Variants in MCPH1 observed in about 807,000 individuals in gnomAD.
MCPH1 encodes microcephalin 1.
A neutral mutation model predicts 84.5 loss-of-function variants in MCPH1; 104 were observed. The observed-to-expected ratio is 1.23, with a 90% CI of 1.05 to 1.45. The LOEUF is 1.45. Ranked by LOEUF, MCPH1 falls within the 40% of genes most tolerant of loss-of-function variation. The pLI is 0.00. For missense variants in MCPH1, 1,498 were observed against 1,005.7 expected (o/e 1.49, Z -6.62); for synonymous variants, 514 against 366.8 (o/e 1.40, Z -4.58).
chr8:6,568,135 C>T lies in MCPH1; in HGVS notation c.2215-53319C>T, dbSNP rs2959772. Among the ~76,000 whole-genome samples, 1,310 of 152,224 alleles carry T rather than the reference C, an allele frequency of 8.6e-3. 25 individuals are homozygous for T. The highest frequency in any genetic ancestry group is 0.029 in the African/African-American group (1,215 of 41,522). ...AAGAGGCCAGTGTTACAAAGAATCT[C>T]GTGGCCAGCCCTTTTGGCTCAGTTT... On this transcript the variant is annotated intron_variant, in intron 12 of 13. Coordinates refer to ENST00000344683, the MANE Select transcript of MCPH1 (RefSeq NM_024596.5).
intron 12 of MCPH1, among the ~76,000 whole-genome samples, chr8:6,582,369 T>C (rs534567052): frequency 6.6e-6 from 1 of 152,324 alleles, no homozygotes; most frequent in South Asian, 2.1e-4. Context: ...TTGAGGAAAC[T>C]GGAGCTTAGC....
chr8:6,584,134 C>T (rs1827793968), intron 12 of MCPH1, among the ~76,000 whole-genome samples: 3 of 152,116 alleles, frequency 2.0e-5, no homozygotes, highest in African/African-American at 7.2e-5. Flanking sequence ...GTAATAGAAA[C>T]CCTCAGATTC....
Position 6,409,320 on chromosome 8 carries a change from G to T in MCPH1, c.64G>T (p.Glu22Ter). 6.2e-7 allele frequency: 1 copy of T among 1,614,128 alleles called. No individual in the cohort carries two copies. Among genetic ancestry groups the T allele is most frequent in the Admixed American group, 1.7e-5 (1 of 60,026 alleles). ...YVEVWSSNGTENYSKTFTTQL... is the reference protein window; with the variant it reads ...YVEVWSSNGT Reference sequence around the variant, plus strand: ...TGAAGTGTGGTCATCCAATGGAACAGAAAATTATTCAAAGACATTTACAAC... The same window carrying T: ...TGAAGTGTGGTCATCCAATGGAACATAAAATTATTCAAAGACATTTACAAC... The change falls in exon 2 of 14, where the codon GAA (glutamate) becomes TAA (stop). Residue 22 changes from glutamate (E) to a stop codon, truncating the protein, a stop_gained. Coordinates refer to ENST00000344683, the MANE Select transcript of MCPH1 (RefSeq NM_024596.5). LOFTEE classifies it high-confidence loss of function.
intron 12 of MCPH1, among the ~76,000 whole-genome samples, chr8:6,591,168 A>T (rs550401417): frequency 2.2e-4 from 34 of 152,370 alleles, no homozygotes; most frequent in African/African-American, 8.2e-4. Flanking sequence ...ACGTGCTGGG[A>T]TTACAGGCGT....
intron 12 of MCPH1, chr8:6,562,837 T>C (rs763494170): frequency 6.2e-7 from 1 of 1,613,468 alleles, no homozygotes; most frequent in Non-Finnish European, 8.5e-7. Flanking sequence ...GACCTGATAT[T>C]GCTTCTTTCC....
intron 12 of MCPH1, among the ~76,000 whole-genome samples, chr8:6,559,492 G>T (rs1825181016): frequency 6.6e-6 from 1 of 152,174 alleles, no homozygotes; most frequent in East Asian, 1.9e-4. Flanking sequence ...GCCTGTTCTT[G>T]TGTTGTTTAA....
chr8:6,421,777 T>C (rs756862132), intron 3 of MCPH1, among the ~76,000 whole-genome samples: 7 of 152,116 alleles, frequency 4.6e-5, no homozygotes, highest in Non-Finnish European at 8.8e-5. Flanking sequence ...CTGACCCAGG[T>C]CCAGTGTGCT....
chr8:6,495,452 T>C (rs1376250295), intron 11 of MCPH1, among the ~76,000 whole-genome samples: 2 of 152,218 alleles, frequency 1.3e-5, no homozygotes, highest in African/African-American at 4.8e-5. Context: ...TTCTTCTTTC[T>C]TTAGAAAAAT....
intron 12 of MCPH1, among the ~76,000 whole-genome samples, chr8:6,523,027 T>C (rs1487213894): frequency 6.6e-6 from 1 of 151,942 alleles, no homozygotes; most frequent in Non-Finnish European, 1.5e-5. Flanking sequence ...AGATGGAGTC[T>C]CGCTCTGTCA....
At chr8:6,605,206 G>C (rs1452831439) in intron 12 of MCPH1, among the ~76,000 whole-genome samples, 2 of 152,098 alleles carry the variant, frequency 1.3e-5, no homozygotes, top group Non-Finnish European at 2.9e-5. Flanking sequence ...CTCATGTTGG[G>C]GGAATTTTAT....
At chr8:6,602,935 ATG>A (rs1356535122) in intron 12 of MCPH1, among the ~76,000 whole-genome samples, 1 of 151,836 alleles carries the variant, frequency 6.6e-6, no homozygotes, top group African/African-American at 2.4e-5. Context: ...TTGTGTGTGC[ATG>A]TGTGTCTGTG....
rs1832065549 is a variant in MCPH1 at position 6,626,283 on chromosome 8, A to G, written c.2452+4592A>G. ...ACAAAATGTAAGCCACGCCTCACTC[A>G]CTTGCTCCCTGGAGAATTTCATCTG... On this transcript the variant is annotated intron_variant, in intron 13 of 13. Transcript: ENST00000344683. The G allele has an allele frequency of 1.2e-5, 12 of 985,242 alleles. No homozygotes were observed. The South Asian group carries it at 5.2e-4, about 42-fold the overall frequency. 61.0% of individuals were successfully genotyped at this position (985,242 alleles called of 1,614,324 possible).
intron 12 of MCPH1, chr8:6,501,152 C>T (rs547523147): frequency 6.6e-6 from 1 of 152,320 alleles, no homozygotes; most frequent in African/African-American, 2.4e-5. Context: ...TGGAAAAGTG[C>T]ACCTTGGTGG....
intron 4 of MCPH1, among the ~76,000 whole-genome samples, chr8:6,432,437 C>G (rs755906057): frequency 2.0e-5 from 3 of 152,162 alleles, no homozygotes; most frequent in African/African-American, 7.2e-5. Context: ...CTTGCAGATA[C>G]AGAGGGCAAA....
intron 12 of MCPH1, among the ~76,000 whole-genome samples, chr8:6,580,687 A>C (rs980849223): frequency 3.3e-5 from 5 of 152,104 alleles, no homozygotes; most frequent in Admixed American, 6.6e-5. Context: ...ACAAAAAAAA[A>C]CTCAGAGTTG....
At chr8:6,631,135 G>C (rs988134206) in intron 13 of MCPH1, among the ~76,000 whole-genome samples, 7 of 152,128 alleles carry the variant, frequency 4.6e-5, no homozygotes, top group Admixed American at 1.3e-4. Flanking sequence ...TGGCAACCCA[G>C]TTCCCAGTTC....
rs78662277 is a variant in MCPH1, at chr8:6,499,670, T to C, written c.2137-182T>C. 6,914 of 573,610 alleles carry C rather than the reference T, an allele frequency of 0.012. 392 individuals are homozygous for C. Among genetic ancestry groups the C allele is most frequent in the African/African-American group, 0.11 (6,027 of 53,536 alleles). The allele number at this position is 573,610 out of a possible 1,614,324, so 35.5% of individuals were successfully genotyped here. On this transcript the variant is annotated intron_variant, in intron 11 of 13. Transcript: ENST00000344683. Reference sequence around the variant, plus strand: ...TGAGACTTTTTCTCAATCAACTTTTTATTAATATTCATAACATTTATGCAA... The same window carrying C: ...TGAGACTTTTTCTCAATCAACTTTTCATTAATATTCATAACATTTATGCAA...
chr8:6,536,158 G>C (rs1034867473), intron 12 of MCPH1, among the ~76,000 whole-genome samples: 1 of 152,146 alleles, frequency 6.6e-6, no homozygotes, highest in African/African-American at 2.4e-5. Flanking sequence ...GTGACAGTCA[G>C]GTACTCTTTA....
At chr8:6,625,130 C>T (rs962266471) in intron 13 of MCPH1, 68 of 934,446 alleles carry the variant, frequency 7.3e-5, no homozygotes, top group Non-Finnish European at 8.5e-5. Flanking sequence ...CTGCCTCGGC[C>T]TCCCAAAGTG....
Sources: allele counts gnomAD v4.1 joint callset (sites outside exome capture counted in the v4.1 genomes callset), GRCh38; gene constraint gnomAD v4.1.1; transcripts MANE v1.5; gene names NCBI Gene and HGNC (gene_info 2026-07-23, HGNC 2026-07-21).